The following EXTL2 variants were observed in gnomAD, a reference collection of about 807,000 sequenced individuals.
The protein encoded by EXTL2 is exostosin like glycosyltransferase 2.
EXTL2 carries 23 observed loss-of-function variants against 30.7 expected under a neutral mutation model. That is an observed-to-expected ratio of 0.75 (90% CI 0.54 to 1.06). The LOEUF (loss-of-function observed/expected upper bound fraction) is 1.06. EXTL2 is among the 50% of genes least tolerant of loss of function. The probability of loss-of-function intolerance (pLI) is 0.00; values close to 1 mark genes in which losing one functional copy is unlikely to be tolerated. For missense variants in EXTL2, 352 were observed against 396.3 expected, an observed-to-expected ratio of 0.89 and a Z score of 0.95; for synonymous variants, 123 against 133.8, an observed-to-expected ratio of 0.92 and a Z score of 0.56.
chr1:100,881,494 C>T (rs1311369192), intron 2 of EXTL2, among the ~76,000 whole-genome samples: 1 of 152,118 alleles, frequency 6.6e-6, no homozygotes, highest in Non-Finnish European at 1.5e-5. Context: ...GTTCTCTTGC[C>T]CTCATTTCCT....
intron 4 of EXTL2, 81 bp from the exon 5 acceptor site, chr1:100,874,511 A>T: frequency 8.7e-7 from 1 of 1,150,840 alleles, no homozygotes; most frequent in Non-Finnish European, 1.2e-6. Context: ...TTTATTACAG[A>T]GAGAATGAAA....
At chr1:100,887,998 C>T (rs575576541) in intron 2 of EXTL2, among the ~76,000 whole-genome samples, 10 of 152,296 alleles carry the variant, frequency 6.6e-5, no homozygotes, top group Admixed American at 2.6e-4. Context: ...GCGCCCTGCC[C>T]GCCACATTGT....
At position 100,872,396 on chromosome 1, in the gene EXTL2, A is replaced by G. The variant is rs1244371233; in HGVS notation, c.*1546T>C. On this transcript the variant is annotated 3_prime_UTR_variant, in exon 5 of 5. Transcript: ENST00000370114. ...GTTAACACAGAACACATGGATGGCA[A>G]AAGTTTCTTTTATTTATCTGCTAGA... 6.6e-6 allele frequency: 1 copy of G among 152,486 alleles called. No individual in the cohort carries two copies. Among genetic ancestry groups the G allele is most frequent in the Non-Finnish European group, 1.5e-5 (1 of 67,956 alleles). 9.4% of individuals were successfully genotyped at this position (152,486 alleles called of 1,614,324 possible).
At chr1:100,887,169 C>A (rs955694791) in intron 2 of EXTL2, among the ~76,000 whole-genome samples, 15 of 152,292 alleles carry the variant, frequency 9.8e-5, no homozygotes, top group African/African-American at 3.4e-4. Flanking sequence ...GGCAACAGAT[C>A]CCTGTTCTGT....
intron 4 of EXTL2, 78 bp from the exon 5 acceptor site, chr1:100,874,508 C>G: frequency 1.7e-6 from 2 of 1,176,546 alleles, no homozygotes; most frequent in Admixed American, 4.6e-5. Flanking sequence ...TGATTTATTA[C>G]AGAGAGAATG....
chr1:100,874,320 A>C lies in EXTL2; in HGVS notation c.615T>G (p.Gly205=). ...FEMQAPGSGN[G]DQYSMVLIGA... ...CAATCAGCACCATAGAGTACTGGTC[A>C]CCATTTCCAGACCCTGGTGCTTGCA... The change falls in exon 5 of 5, where the codon GGT becomes GGG. Residue 205 remains glycine, a synonymous_variant. Transcript: ENST00000370114. The C allele has an allele frequency of 6.2e-7, 1 of 1,612,960 alleles. No individual in the cohort carries two copies. Among genetic ancestry groups the C allele is most frequent in the Non-Finnish European group, 8.5e-7 (1 of 1,179,398 alleles).
intron 2 of EXTL2, among the ~76,000 whole-genome samples, chr1:100,883,485 C>G (rs1168753185): frequency 4.6e-5 from 7 of 152,160 alleles, no homozygotes; most frequent in Admixed American, 3.9e-4. Flanking sequence ...TGAATGGAAT[C>G]ATACAATATA....
chr1:100,881,166 AGTTTG>A, intron 2 of EXTL2: 1 of 480,962 alleles, frequency 2.1e-6, no homozygotes, highest in Non-Finnish European at 2.7e-6. Context: ...TGTAAATTTT[AGTTTG>A]CATAGTAAAG....
In EXTL2 at chr1:100,873,806, AGCACT is replaced by A; in HGVS notation, c.*131_*135del. ...AGTAATGTGAATTTTATATCCTAGAAGCACTGCACTTTTTTTTCTATTGTAGAGAC... is the reference window on the plus strand; with the variant it reads ...AGTAATGTGAATTTTATATCCTAGAAGCACTTTTTTTTCTATTGTAGAGAC... On this transcript the variant is annotated 3_prime_UTR_variant, in exon 5 of 5. Transcript: ENST00000370114. 1.2e-6 allele frequency: 1 copy of A among 852,754 alleles called. No homozygotes were observed. Among genetic ancestry groups the A allele is most frequent in the Non-Finnish European group, 1.8e-6 (1 of 567,702 alleles). The allele number at this position is 852,754 out of a possible 1,614,324, so 52.8% of individuals were successfully genotyped here.
At chr1:100,893,306 A>G (rs939621752) in intron 1 of EXTL2, among the ~76,000 whole-genome samples, 6 of 152,222 alleles carry the variant, frequency 3.9e-5, no homozygotes, top group Non-Finnish European at 5.9e-5. Flanking sequence ...TGATTTTCCA[A>G]TACGACATAT....
At position 100,873,700 on chromosome 1, in the gene EXTL2, C is replaced by T. The variant is rs749139678; in HGVS notation, c.*242G>A. ...TCTCAGGATGTAAACAATAAAATCA[C>T]TGACCAAGGAGTTATATCCCTGGAT... On this transcript the variant is annotated 3_prime_UTR_variant, in exon 5 of 5. Coordinates refer to ENST00000370114, the MANE Select transcript of EXTL2 (RefSeq NM_001033025.3). 8 of 373,422 alleles carry T rather than the reference C, an allele frequency of 2.1e-5. No homozygotes were observed. Among genetic ancestry groups the T allele is most frequent in the Admixed American group, 4.3e-5 (1 of 23,410 alleles). 23.1% of individuals were successfully genotyped at this position (373,422 alleles called of 1,614,324 possible).
intron 1 of EXTL2, among the ~76,000 whole-genome samples, chr1:100,892,124 G>A (rs775168624): frequency 6.6e-6 from 1 of 152,194 alleles, no homozygotes; most frequent in Non-Finnish European, 1.5e-5. Flanking sequence ...AAGATGCAAA[G>A]TATTGTTTCT....
chr1:100,887,317 T>C (rs1413187161), intron 2 of EXTL2, among the ~76,000 whole-genome samples: 4 of 152,226 alleles, frequency 2.6e-5, no homozygotes, highest in African/African-American at 7.2e-5. Context: ...GAATCTAAGA[T>C]GGAAGCAATC....
chr1:100,874,095 A>AT lies in EXTL2; in HGVS notation c.839dup (p.Tyr280Ter). 1 of 1,613,152 alleles carries AT rather than the reference A, an allele frequency of 6.2e-7. No homozygotes were observed. Among genetic ancestry groups the AT allele is most frequent in the Non-Finnish European group, 8.5e-7 (1 of 1,179,542 alleles). Residue 280 changes from tyrosine to a stop codon, truncating the protein, a stop_gained and frameshift_variant, in exon 5 of 5, where the codon TAT becomes TAAT. Coordinates refer to ENST00000370114, the MANE Select transcript of EXTL2 (RefSeq NM_001033025.3). LOFTEE classifies it high-confidence loss of function. ...GCTCAGCTCGATGCCACATTCCAGA[A>AT]TAGCCACTGTTGGTTTCTTTTTCCA... ...DNLEKETNSG[Y>*]SGMWHRAEHA... is the part of the protein sequence containing the mutation.
chr1:100,880,898 TAA>T (rs1301205049), intron 2 of EXTL2: 2 of 904,794 alleles, frequency 2.2e-6, no homozygotes, highest in African/African-American at 3.6e-5. Context: ...GAAAAAGTAA[TAA>T]GATTAATTAC....
Position 100,877,617 on chromosome 1 carries a change from C to A in EXTL2, c.292G>T (p.Val98Leu). The stretch of plus-strand genomic sequence containing the variant: ...GCCTTCTCTCCAATATTGTTCCATA[C>A]CACAATCACTTTGTGCAGATTTGGT... The part of the protein sequence containing the change: ...AVPNLHKVIV[V>L]WNNIGEKAPD... The change falls in exon 3 of 5, where the codon GTA becomes TTA. Residue 98 changes from valine (V) to leucine (L), a missense_variant. By Grantham distance (32) the Val-to-Leu change is conservative. Coordinates refer to ENST00000370114, the MANE Select transcript of EXTL2 (RefSeq NM_001033025.3). This position sits in a 1 kb window ranked among gnomAD's most constrained non-coding sequence, Gnocchi z 4.1. 6.2e-7 allele frequency: 1 copy of A among 1,613,528 alleles called. No homozygotes were observed.
chr1:100,882,927 A>G (rs992523186), intron 2 of EXTL2, among the ~76,000 whole-genome samples: 1 of 152,232 alleles, frequency 6.6e-6, no homozygotes, highest in Non-Finnish European at 1.5e-5. Context: ...AAACTCAGAG[A>G]GCTGAAAGAG....
intron 2 of EXTL2, among the ~76,000 whole-genome samples, chr1:100,887,722 T>C (rs529327230): frequency 6.6e-6 from 1 of 152,238 alleles, no homozygotes; most frequent in South Asian, 2.1e-4. Flanking sequence ...CTTTTTTTTT[T>C]GAGACAGAGT....
intron 1 of EXTL2, among the ~76,000 whole-genome samples, chr1:100,889,973 C>A (rs999827510): frequency 2.0e-5 from 3 of 152,192 alleles, no homozygotes; most frequent in Non-Finnish European, 4.4e-5. Flanking sequence ...TACAGCTCCA[C>A]TAGGCAATGC....
Sources: gnomAD v4.1 joint callset for allele counts (sites outside exome capture counted in the v4.1 genomes callset) on GRCh38, gnomAD v4.1.1 for gene constraint, Gnocchi (gnomAD v3.1) non-coding constraint, MANE v1.5 for transcripts, NCBI Gene and HGNC (gene_info 2026-07-23, HGNC 2026-07-21) for gene names.